KCNB2: variants seen among roughly 807,000 people sequenced by gnomAD.
The protein encoded by KCNB2 is delayed rectifier potassium channel protein.
Under a neutral mutation model 61.5 loss-of-function variants are expected in KCNB2, and 15 were observed. The ratio of observed to expected loss-of-function variants is 0.24; its 90% CI spans 0.16 to 0.38. The LOEUF is 0.38. Among genes scored for constraint, KCNB2 ranks in the 10% least tolerant of loss-of-function variants. The pLI is 1.00. For synonymous variants in KCNB2, 457 were observed against 446.0 expected, an observed-to-expected ratio of 1.02 and a Z score of -0.31; for missense variants, 828 against 1,125.2, an observed-to-expected ratio of 0.74 and a Z score of 3.78.
chr8:72,812,402 T>C (rs908762762), intron 2 of KCNB2, among the ~76,000 whole-genome samples: 9 of 152,222 alleles, frequency 5.9e-5, no homozygotes, highest in African/African-American at 1.9e-4. Flanking sequence ...TCTAATTTTG[T>C]TAAATATTAG....
At chr8:72,662,794 C>T (rs1806402275) in intron 2 of KCNB2, among the ~76,000 whole-genome samples, 1 of 152,132 alleles carries the variant, frequency 6.6e-6, no homozygotes, top group African/African-American at 2.4e-5. Flanking sequence ...GCTTATTTCA[C>T]TCATTTTACA....
intron 2 of KCNB2, among the ~76,000 whole-genome samples, chr8:72,896,479 G>T (rs528879825): frequency 2.0e-5 from 3 of 152,104 alleles, no homozygotes; most frequent in African/African-American, 4.8e-5. Context: ...GTTGAGCAAA[G>T]TCTCCTTTTC....
chr8:72,592,531 G>T (rs141844128), intron 2 of KCNB2, among the ~76,000 whole-genome samples: 1 of 151,726 alleles, frequency 6.6e-6, no homozygotes, highest in African/African-American at 2.4e-5. Flanking sequence ...TGTCTTTGGG[G>T]CTGCTCACAA....
At chr8:72,644,200 G>A (rs1806095687) in intron 2 of KCNB2, among the ~76,000 whole-genome samples, 2 of 152,002 alleles carry the variant, frequency 1.3e-5, no homozygotes, top group Admixed American at 1.3e-4. Flanking sequence ...TTACCCATGT[G>A]CACTATAACT....
intron 2 of KCNB2, among the ~76,000 whole-genome samples, chr8:72,684,120 G>A (rs1009731838): frequency 7.9e-5 from 12 of 152,182 alleles, no homozygotes; most frequent in African/African-American, 2.9e-4. Flanking sequence ...AGTTAGAAAG[G>A]GATGGGTTCT....
chr8:72,609,417 G>A (rs924934599), intron 2 of KCNB2, among the ~76,000 whole-genome samples: 3 of 152,196 alleles, frequency 2.0e-5, no homozygotes, highest in Admixed American at 6.5e-5. Context: ...AGTTCCGTTA[G>A]AAGTGAGTTA....
chr8:72,793,586 A>T lies in KCNB2; in HGVS notation c.580-142349A>T, dbSNP rs142420573. 2.8e-3 allele frequency among the ~76,000 whole-genome samples: 425 copies of T among 151,438 alleles called. 1 individual carries two copies. Among genetic ancestry groups the T allele is most frequent in the Non-Finnish European group, 4.8e-3 (325 of 67,794 alleles). The stretch of plus-strand genomic sequence containing the variant: ...CTGACTGCATCTTCCAGATCTCTTT[A>T]AAAAAAAATACCAAAGCCTAGGCCC... On this transcript the variant is annotated intron_variant, in intron 2 of 2. Coordinates refer to ENST00000523207, the MANE Select transcript of KCNB2 (RefSeq NM_004770.3).
chr8:72,674,455 T>G (rs1405782972), intron 2 of KCNB2, among the ~76,000 whole-genome samples: 2 of 152,250 alleles, frequency 1.3e-5, no homozygotes, highest in African/African-American at 4.8e-5. Flanking sequence ...CATTTGCAGC[T>G]TTAGGCTCTT....
intron 2 of KCNB2, among the ~76,000 whole-genome samples, chr8:72,827,863 A>T (rs1352708924): frequency 6.6e-6 from 1 of 151,188 alleles, no homozygotes; most frequent in African/African-American, 2.4e-5. Context: ...CCCAGGCTAG[A>T]CTCCAATGGC....
chr8:72,735,928 A>G (rs1807836125), intron 2 of KCNB2, among the ~76,000 whole-genome samples: 1 of 152,202 alleles, frequency 6.6e-6, no homozygotes, highest in South Asian at 2.1e-4. Flanking sequence ...AAATCAAACT[A>G]CAAGTTGATA....
At chr8:72,928,837 A>G (rs574388421) in intron 2 of KCNB2, among the ~76,000 whole-genome samples, 5 of 151,746 alleles carry the variant, frequency 3.3e-5, no homozygotes, top group East Asian at 1.9e-4. Context: ...AAAAGATTCA[A>G]TTGTCTAGGT....
intron 2 of KCNB2, among the ~76,000 whole-genome samples, chr8:72,609,524 CAA>C (rs905060433): frequency 6.6e-5 from 10 of 152,076 alleles, no homozygotes; most frequent in Admixed American, 1.3e-4. Context: ...TCATTAGAGA[CAA>C]GAGTTTTTTC....
intron 2 of KCNB2, among the ~76,000 whole-genome samples, chr8:72,626,514 T>C (rs747215581): frequency 3.9e-5 from 6 of 152,264 alleles, no homozygotes; most frequent in Non-Finnish European, 8.8e-5. Flanking sequence ...GAGCTAGCTC[T>C]TGTTGAATTG....
intron 2 of KCNB2, among the ~76,000 whole-genome samples, chr8:72,890,366 A>G (rs1171137128): frequency 6.6e-6 from 1 of 152,192 alleles, no homozygotes; most frequent in Non-Finnish European, 1.5e-5. Context: ...TGCTTTGCAG[A>G]CACAATACAA....
chr8:72,927,374 A>C (rs1333431364), intron 2 of KCNB2, among the ~76,000 whole-genome samples: 4 of 151,874 alleles, frequency 2.6e-5, no homozygotes, highest in African/African-American at 9.7e-5. Flanking sequence ...AGGTTCAAGC[A>C]ATTCTCCTGC....
At chr8:72,539,135 A>C (rs746784779) in intron 1 of KCNB2, among the ~76,000 whole-genome samples, 7 of 152,160 alleles carry the variant, frequency 4.6e-5, no homozygotes, top group African/African-American at 1.7e-4. Flanking sequence ...CATGAATAAA[A>C]CCCATCTAGA....
At position 72,936,887 on chromosome 8, in the gene KCNB2, A is replaced by C; in HGVS notation, c.1532A>C (p.Lys511Thr). 1 of 1,614,160 alleles carries C rather than the reference A, an allele frequency of 6.2e-7. No homozygotes were observed. The highest frequency in any genetic ancestry group is 8.5e-7 in the Non-Finnish European group (1 of 1,180,016). Reference protein sequence around the residue: ...ETSSNKSFENKYQEVSQKDSH... With the variant: ...ETSSNKSFENTYQEVSQKDSH... ...AGCTCCAACAAGTCTTTCGAGAATA[A>C]GTACCAGGAGGTTAGCCAAAAAGAC... Residue 511 changes from lysine (K) to threonine (T), a missense_variant, in exon 3 of 3, where the codon AAG becomes ACG. Around this residue, in one of 4 missense-constraint regions of KCNB2, gnomAD observed 559 missense variants for 588.4 expected, o/e 0.95. Coordinates refer to ENST00000523207, the MANE Select transcript of KCNB2 (RefSeq NM_004770.3). The surrounding 1 kb of genome is among the most constrained non-coding windows in gnomAD (Gnocchi z 5.6).
intron 2 of KCNB2, among the ~76,000 whole-genome samples, chr8:72,779,285 G>C (rs573647680): frequency 2.6e-5 from 4 of 152,306 alleles, no homozygotes; most frequent in African/African-American, 9.6e-5. Context: ...TCCATTAAAG[G>C]AAGGCATTGG....
rs377217200 is a variant in KCNB2, at chr8:72,653,582, CTAA to C, written c.579+85271_579+85273del. 4.3e-3 allele frequency among the ~76,000 whole-genome samples: 653 copies of C among 152,174 alleles called. 3 individuals are homozygous for C. The highest frequency in any genetic ancestry group is 0.024 in the Middle Eastern group (7 of 294). On this transcript the variant is annotated intron_variant, in intron 2 of 2. Transcript: ENST00000523207. ...AACTTTGTCTTCATCTCATTATTACCTAATGAGGAATCAGCAAACCATGTCCCA... is the reference window on the plus strand; with the variant it reads ...AACTTTGTCTTCATCTCATTATTACCTGAGGAATCAGCAAACCATGTCCCA...
Sources: gnomAD v4.1 joint callset for allele counts (sites outside exome capture counted in the v4.1 genomes callset) on GRCh38, gnomAD v4.1.1 for gene constraint, gnomAD v4.1.1 regional missense constraint, Gnocchi (gnomAD v3.1) non-coding constraint, MANE v1.5 for transcripts, NCBI Gene and HGNC (gene_info 2026-07-23, HGNC 2026-07-21) for gene names.